MAF: variants seen among roughly 807,000 people sequenced by gnomAD.
The protein encoded by MAF is transcription factor Maf.
MAF carries 10 observed loss-of-function variants against 22.0 expected under a neutral mutation model. The ratio of observed to expected loss-of-function variants is 0.45; its 90% confidence interval spans 0.28 to 0.77. The LOEUF is 0.77. Ranked by LOEUF, MAF falls within the 30% of genes least tolerant of loss-of-function variation. The pLI is 0.12. For synonymous variants in MAF, 337 were observed against 255.8 expected, an observed-to-expected ratio of 1.32 and a Z score of -3.03; for missense variants, 544 against 548.4, an observed-to-expected ratio of 0.99 and a Z score of 0.08.
chr16:79,302,750 T>C, the MAF span, among the ~76,000 whole-genome samples: 143,092 of 152,364 alleles, frequency 0.94, 67,212 homozygotes, highest in East Asian at 1. Flanking sequence ...ATGTTGGCAT[T>C]TGCTGTTATT....
chr16:79,303,214 G>C, the MAF span, among the ~76,000 whole-genome samples: 34 of 152,264 alleles, frequency 2.2e-4, no homozygotes, highest in African/African-American at 7.0e-4. Flanking sequence ...AGAAGCATCT[G>C]ACTCTCATCT....
chr16:79,473,258 T>C, the MAF span, among the ~76,000 whole-genome samples: 4 of 152,132 alleles, frequency 2.6e-5, no homozygotes, highest in African/African-American at 7.2e-5. Flanking sequence ...GATGTCTGCA[T>C]GCCCACAAAA....
the MAF span, among the ~76,000 whole-genome samples, chr16:79,446,536 G>A: frequency 1.3e-5 from 2 of 152,108 alleles, no homozygotes; most frequent in African/African-American, 4.8e-5. Context: ...AAAGATAAAG[G>A]TTTGAAAATG....
At chr16:79,367,864 C>A in the MAF span, among the ~76,000 whole-genome samples, 2 of 152,214 alleles carry the variant, frequency 1.3e-5, no homozygotes. Context: ...AAGTCCTGTG[C>A]ATAACCAGAT....
chr16:79,580,866 C>T (rs1038373783), downstream of MAF, among the ~76,000 whole-genome samples: 17 of 151,544 alleles, frequency 1.1e-4, 1 homozygote, highest in African/African-American at 4.1e-4. Flanking sequence ...TGGAGAAAAC[C>T]AATACCAAAT....
At chr16:79,337,819 A>G in the MAF span, among the ~76,000 whole-genome samples, 1 of 152,204 alleles carries the variant, frequency 6.6e-6, no homozygotes, top group African/African-American at 2.4e-5. Context: ...CCTTCTATGC[A>G]CACACAAGGC....
chr16:79,495,382 G>T, the MAF span, among the ~76,000 whole-genome samples: 3 of 152,112 alleles, frequency 2.0e-5, no homozygotes, highest in Non-Finnish European at 2.9e-5. Context: ...AGGATCACTT[G>T]AGCCCAGGAG....
the MAF span, among the ~76,000 whole-genome samples, chr16:79,266,857 T>TGAAGAGGA: frequency 6.6e-6 from 1 of 152,182 alleles, no homozygotes; most frequent in Non-Finnish European, 1.5e-5. Flanking sequence ...GTAATGCTCA[T>TGAAGAGGA]GAAGAGGAGA....
At chr16:79,207,757 C>G in the MAF span, among the ~76,000 whole-genome samples, 1 of 151,530 alleles carries the variant, frequency 6.6e-6, no homozygotes, top group Admixed American at 6.6e-5. Flanking sequence ...AGAGTACTAA[C>G]CAATGCATTA....
the MAF span, among the ~76,000 whole-genome samples, chr16:79,339,253 G>T: frequency 6.6e-6 from 1 of 151,964 alleles, no homozygotes; most frequent in African/African-American, 2.4e-5. Flanking sequence ...TGTATTTTTT[G>T]GTAGACATGG....
the MAF span, among the ~76,000 whole-genome samples, chr16:79,371,839 C>T: frequency 2.0e-5 from 3 of 152,194 alleles, no homozygotes; most frequent in South Asian, 2.1e-4. Flanking sequence ...GCAGCTCTGC[C>T]GAGGCAGAAC....
the MAF span, among the ~76,000 whole-genome samples, chr16:79,210,723 TGCAAA>T: frequency 6.6e-6 from 1 of 151,960 alleles, no homozygotes; most frequent in Non-Finnish European, 1.5e-5. Flanking sequence ...AATTATGGCT[TGCAAA>T]GCAAAGTGAT....
chr16:79,448,561 G>C, the MAF span, among the ~76,000 whole-genome samples: 1 of 151,934 alleles, frequency 6.6e-6, no homozygotes, highest in Admixed American at 6.6e-5. Flanking sequence ...GAGGAGCTGG[G>C]ATTACAGGTG....
chr16:79,439,257 C>CTTTTTTTTTTTTTTTTTT, the MAF span, among the ~76,000 whole-genome samples: 10 of 130,804 alleles, frequency 7.6e-5, 2 homozygotes, highest in Non-Finnish European at 1.1e-4. Context: ...TAGGTACTTA[C>CTTTTTTTTTTTTTTTTTT]TTTTTTTTTT....
At chr16:79,547,016 G>A in the MAF span, among the ~76,000 whole-genome samples, 1 of 152,140 alleles carries the variant, frequency 6.6e-6, no homozygotes, top group African/African-American at 2.4e-5. Flanking sequence ...CCTCTGTGTT[G>A]GTAAGTGCCA....
chr16:79,439,485 C>T, the MAF span, among the ~76,000 whole-genome samples: 1 of 152,032 alleles, frequency 6.6e-6, no homozygotes. Context: ...TGGTCTCAAT[C>T]TCCTGACCTC....
chr16:79,506,580 G>C, the MAF span, among the ~76,000 whole-genome samples: 3 of 152,204 alleles, frequency 2.0e-5, no homozygotes, highest in African/African-American at 7.2e-5. Flanking sequence ...AGACGGTGAA[G>C]TGTAGAACCA....
chr16:79,449,629 G>A, the MAF span, among the ~76,000 whole-genome samples: 1 of 152,188 alleles, frequency 6.6e-6, no homozygotes, highest in Non-Finnish European at 1.5e-5. Flanking sequence ...CAGAGGCAGG[G>A]TCAGGAAGAT....
chr16:79,579,907 C>G, the MAF span, among the ~76,000 whole-genome samples: 2 of 152,140 alleles, frequency 1.3e-5, no homozygotes, highest in Non-Finnish European at 2.9e-5. Context: ...AAACATCTTG[C>G]AGGAACCACA....
Sources: allele counts gnomAD v4.1 joint callset (sites outside exome capture counted in the v4.1 genomes callset), GRCh38; gene constraint gnomAD v4.1.1; transcripts MANE v1.5; gene names NCBI Gene and HGNC (gene_info 2026-07-23, HGNC 2026-07-21).